Variants in ELMO1 observed in about 807,000 individuals in gnomAD.
The protein encoded by ELMO1 is engulfment and cell motility 1.
Under a neutral mutation model 98.9 loss-of-function variants are expected in ELMO1, and 26 were observed. The ratio of observed to expected loss-of-function variants is 0.26; its 90% confidence interval spans 0.19 to 0.36. The LOEUF (loss-of-function observed/expected upper bound fraction) is 0.36, where lower values mean the gene tolerates loss of function less well. Ranked by LOEUF, ELMO1 falls within the 10% of genes least tolerant of loss-of-function variation. ELMO1 has a pLI of 1.00. For missense variants in ELMO1, 627 were observed against 935.2 expected (o/e 0.67, Z 4.30); for synonymous variants, 346 against 346.0 (o/e 1.00, Z 0.00).
chr7:37,039,799 C>T (rs1196039849), intron 15 of ELMO1, among the ~76,000 whole-genome samples: 4 of 152,168 alleles, frequency 2.6e-5, no homozygotes, highest in Non-Finnish European at 5.9e-5. Context: ...TATTTGTTGA[C>T]ATGAATTAAT....
intron 20 of ELMO1, among the ~76,000 whole-genome samples, chr7:36,864,760 C>T (rs377545877): frequency 6.6e-6 from 1 of 152,176 alleles, no homozygotes; most frequent in Non-Finnish European, 1.5e-5. Context: ...ACTTAGACAT[C>T]GAATGTTCAG....
At chr7:37,191,521 C>A (rs1264003152) in intron 13 of ELMO1, among the ~76,000 whole-genome samples, 1 of 152,092 alleles carries the variant, frequency 6.6e-6, no homozygotes, top group Non-Finnish European at 1.5e-5. Context: ...TCAATGTGGA[C>A]AAACAGTTAC....
chr7:37,228,822 C>T (rs1421123380), intron 8 of ELMO1, among the ~76,000 whole-genome samples: 1 of 152,060 alleles, frequency 6.6e-6, no homozygotes, highest in African/African-American at 2.4e-5. Flanking sequence ...AAACCCCCAT[C>T]TCTACTAAAA....
At chr7:36,910,752 C>T (rs980719906) in intron 16 of ELMO1, among the ~76,000 whole-genome samples, 2 of 152,112 alleles carry the variant, frequency 1.3e-5, no homozygotes, top group African/African-American at 2.4e-5. Context: ...CAGATATAAA[C>T]GATGGCTGGA....
chr7:36,908,280 G>C lies in ELMO1; in HGVS notation c.1438-13263C>G, dbSNP rs1784104415. Among the ~76,000 whole-genome samples, 7 of 152,122 alleles carry C rather than the reference G, an allele frequency of 4.6e-5. No individual in the cohort carries two copies. The South Asian group carries it at 1.5e-3, about 32-fold the overall frequency. The stretch of plus-strand genomic sequence containing the variant: ...ATAGTGAACAAATTCTAGACCTACT[G>C]ATGTTTAGCACAACCACCATTTTCC... On this transcript the variant is annotated intron_variant, in intron 16 of 21. Coordinates refer to ENST00000310758, the MANE Select transcript of ELMO1 (RefSeq NM_014800.11).
At position 37,126,742 on chromosome 7, in the gene ELMO1, T is replaced by C. The variant is rs542687807; in HGVS notation, c.1191+6388A>G. Among the ~76,000 whole-genome samples, 6 of 152,328 alleles carry C rather than the reference T, an allele frequency of 3.9e-5. No individual in the cohort carries two copies. The South Asian group carries it at 1.0e-3, about 26-fold the overall frequency. ...ATTTCAGAATCAGATCCTGCCTTTC[T>C]TCACCACCACAGCCACTGCGCATGG... On this transcript the variant is annotated intron_variant, in intron 14 of 21. Transcript: ENST00000310758.
intron 13 of ELMO1, among the ~76,000 whole-genome samples, chr7:37,168,429 C>T (rs920436815): frequency 2.0e-5 from 3 of 152,102 alleles, no homozygotes; most frequent in Non-Finnish European, 4.4e-5. Context: ...TTTAGAGTTT[C>T]CAGTTTTTCT....
chr7:36,888,105 G>A (rs926371679), intron 17 of ELMO1, among the ~76,000 whole-genome samples: 6 of 152,140 alleles, frequency 3.9e-5, no homozygotes, highest in African/African-American at 7.2e-5. Context: ...GCAACCACAC[G>A]ATTACTATTC....
intron 13 of ELMO1, among the ~76,000 whole-genome samples, chr7:37,189,265 T>A (rs2130125685): frequency 6.6e-6 from 1 of 152,320 alleles, no homozygotes; most frequent in Middle Eastern, 3.4e-3. Flanking sequence ...AGTGCAGGCA[T>A]AACATACATC....
At chr7:36,963,192 A>G (rs1419677627) in intron 16 of ELMO1, among the ~76,000 whole-genome samples, 3 of 151,816 alleles carry the variant, frequency 2.0e-5, no homozygotes, top group Admixed American at 6.6e-5. Context: ...ATCCTGGCCA[A>G]CACAGTGAAA....
intron 1 of ELMO1, among the ~76,000 whole-genome samples, chr7:37,413,254 T>C (rs1482020027): frequency 6.6e-6 from 1 of 152,086 alleles, no homozygotes; most frequent in Non-Finnish European, 1.5e-5. Flanking sequence ...TCCTCATCTC[T>C]CCAGGAATCT....
chr7:37,441,882 A>C (rs927656815), intron 1 of ELMO1, among the ~76,000 whole-genome samples: 2 of 152,234 alleles, frequency 1.3e-5, no homozygotes, highest in African/African-American at 4.8e-5. Flanking sequence ...AAATGAACAT[A>C]AAGGGTGAGC....
chr7:36,855,909 G>T lies in ELMO1; in HGVS notation c.1984-158C>A, dbSNP rs1342796562. Among the ~76,000 whole-genome samples the T allele has an allele frequency of 6.6e-6, 1 of 152,224 alleles. No individual in the cohort carries two copies. Among genetic ancestry groups the T allele is most frequent in the African/African-American group, 2.4e-5 (1 of 41,444 alleles). ...ATATTTGGCGACATCTCAATATAAA[G>T]TCGATACTTCTGTTATCTCTGTTTT... On this transcript the variant is annotated intron_variant, in intron 21 of 21. Coordinates refer to ENST00000310758, the MANE Select transcript of ELMO1 (RefSeq NM_014800.11). This position sits in a 1 kb window ranked among gnomAD's most constrained non-coding sequence, Gnocchi z 4.2.
intron 13 of ELMO1, among the ~76,000 whole-genome samples, chr7:37,146,232 A>C (rs1787978370): frequency 6.6e-6 from 1 of 152,214 alleles, no homozygotes; most frequent in African/African-American, 2.4e-5. Flanking sequence ...GGGCCTGTTA[A>C]ACCCCAGGTT....
intron 13 of ELMO1, among the ~76,000 whole-genome samples, chr7:37,138,298 TA>T (rs140761834): frequency 5.5e-5 from 8 of 146,580 alleles, no homozygotes; most frequent in African/African-American, 1.8e-4. Flanking sequence ...TTTGAAAAGA[TA>T]AAAAAAAAAA....
intron 16 of ELMO1, among the ~76,000 whole-genome samples, chr7:36,902,090 G>A (rs1393065894): frequency 6.6e-6 from 1 of 152,186 alleles, no homozygotes; most frequent in African/African-American, 2.4e-5. Context: ...CTTGTCTAGG[G>A]TCCTGTGGGG....
At position 37,323,518 on chromosome 7, in the gene ELMO1, ACT is replaced by A. The variant is rs373672592; in HGVS notation, c.79-7560_79-7559del. Among the ~76,000 whole-genome samples the A allele has an allele frequency of 4.5e-4, 68 of 152,242 alleles. No individual in the cohort carries two copies. The East Asian group carries it at 0.013, about 28-fold the overall frequency. On this transcript the variant is annotated intron_variant, in intron 2 of 21. Transcript: ENST00000310758. ...AGACCAGGCTGAGCAACATGGTGAA[ACT>A]CTGTCTCTACTAAATTACAAAAATT...
chr7:37,039,758 GGTTT>G, intron 15 of ELMO1, among the ~76,000 whole-genome samples: 1 of 152,100 alleles, frequency 6.6e-6, no homozygotes, highest in Middle Eastern at 3.4e-3. Flanking sequence ...AAATTCACAC[GGTTT>G]ATTTAGATAA....
At chr7:37,141,302 G>T (rs889710905) in intron 13 of ELMO1, among the ~76,000 whole-genome samples, 2 of 152,130 alleles carry the variant, frequency 1.3e-5, no homozygotes, top group African/African-American at 2.4e-5. Flanking sequence ...ACCAAACATC[G>T]TATGTTCTCA....
Sources: gnomAD v4.1 joint callset for allele counts (sites outside exome capture counted in the v4.1 genomes callset) on GRCh38, gnomAD v4.1.1 for gene constraint, Gnocchi (gnomAD v3.1) non-coding constraint, MANE v1.5 for transcripts, NCBI Gene and HGNC (gene_info 2026-07-23, HGNC 2026-07-21) for gene names.